PTPN12: variants seen among roughly 807,000 people sequenced by gnomAD.
PTPN12 encodes protein tyrosine phosphatase non-receptor type 12.
PTPN12 carries 29 observed loss-of-function variants against 97.6 expected under a neutral mutation model. The ratio of observed to expected loss-of-function variants is 0.30; its 90% CI spans 0.22 to 0.41. PTPN12 has a LOEUF of 0.41. Ranked by LOEUF, PTPN12 falls within the 10% of genes least tolerant of loss-of-function variation. The pLI is 1.00. For synonymous variants in PTPN12, 327 were observed against 300.4 expected (o/e 1.09, Z -0.91); for missense variants, 819 against 926.0 (o/e 0.88, Z 1.50).
chr7:77,638,381 A>G (rs529035696), intron 16 of PTPN12, among the ~76,000 whole-genome samples: 2 of 152,338 alleles, frequency 1.3e-5, no homozygotes, highest in African/African-American at 4.8e-5. Context: ...AAGTAAGAAT[A>G]ACGAGAATCC....
intron 16 of PTPN12, among the ~76,000 whole-genome samples, chr7:77,638,351 T>C (rs919697077): frequency 2.0e-5 from 3 of 152,184 alleles, no homozygotes; most frequent in African/African-American, 7.2e-5. Context: ...GAATGTAATA[T>C]GTCAAGACCT....
intron 1 of PTPN12, among the ~76,000 whole-genome samples, chr7:77,545,261 C>T (rs1807159724): frequency 2.6e-5 from 4 of 152,168 alleles, no homozygotes; most frequent in Middle Eastern, 6.8e-3. Flanking sequence ...CTCTACTTGC[C>T]TCTAGTTTCT....
At chr7:77,541,204 A>C (rs955555426) in intron 1 of PTPN12, among the ~76,000 whole-genome samples, 1 of 151,954 alleles carries the variant, frequency 6.6e-6, no homozygotes, top group Non-Finnish European at 1.5e-5. Flanking sequence ...TGATCCTCCC[A>C]CTTCAGCCTC....
At chr7:77,634,977 A>C (rs1366624616) in intron 14 of PTPN12, among the ~76,000 whole-genome samples, 1 of 152,106 alleles carries the variant, frequency 6.6e-6, no homozygotes, top group East Asian at 1.9e-4. Context: ...CAGCCTCCTG[A>C]GTAGCTGCGA....
chr7:77,637,121 C>A, intron 16 of PTPN12, 73 bp downstream of exon 16: 1 of 1,199,196 alleles, frequency 8.3e-7, no homozygotes, highest in South Asian at 1.3e-5. Context: ...TAACATGCTT[C>A]ATAGTTCATG....
chr7:77,582,114 A>G (rs1455025138), intron 3 of PTPN12, among the ~76,000 whole-genome samples: 1 of 35,630 alleles, frequency 2.8e-5, no homozygotes, highest in Non-Finnish European at 5.0e-5. Context: ...TTTTTTTTTG[A>G]GACGGAGTCT....
intron 1 of PTPN12, chr7:77,537,915 A>G (rs1364096929): frequency 1.7e-6 from 1 of 573,658 alleles, no homozygotes; most frequent in Non-Finnish European, 2.4e-6. Flanking sequence ...CGCAGCCTGC[A>G]CCGTGGCTCG....
intron 1 of PTPN12, chr7:77,537,935 A>G: frequency 4.9e-6 from 3 of 618,274 alleles, no homozygotes; most frequent in Non-Finnish European, 6.2e-6. Flanking sequence ...GCGACCACCT[A>G]TTGTTTACCG....
At position 77,542,497 on chromosome 7, in the gene PTPN12, G is replaced by A. The variant is rs9768852; in HGVS notation, c.99+4852G>A. Among the ~76,000 whole-genome samples the A allele has an allele frequency of 6.7e-3, 1,013 of 152,256 alleles. 16 individuals carry two copies. The highest frequency in any genetic ancestry group is 0.023 in the African/African-American group (946 of 41,548). Reference sequence around the variant, plus strand: ...GAAGGGTGGCATTTTGGAAGCTGTTGAAATATAAGAAGTGAGATGTGAGGG... The same window carrying A: ...GAAGGGTGGCATTTTGGAAGCTGTTAAAATATAAGAAGTGAGATGTGAGGG... On this transcript the variant is annotated intron_variant, in intron 1 of 17. Coordinates refer to ENST00000248594, the MANE Select transcript of PTPN12 (RefSeq NM_002835.4).
At chr7:77,577,058 A>T (rs1422057595) in intron 2 of PTPN12, among the ~76,000 whole-genome samples, 1 of 152,166 alleles carries the variant, frequency 6.6e-6, no homozygotes, top group Non-Finnish European at 1.5e-5. Context: ...TTTATTTGAA[A>T]TCATGCATTT....
In PTPN12 at chr7:77,598,515, C is replaced by T. The variant is rs1407371396; in HGVS notation, c.552+614C>T. ...TGGCCAACACGGCGAAGCCCCATCT[C>T]TACTAAAAAATACTAAAATTAGCTG... is the stretch of plus-strand genomic sequence containing the variant. On this transcript the variant is annotated intron_variant, in intron 7 of 17. Coordinates refer to ENST00000248594, the MANE Select transcript of PTPN12 (RefSeq NM_002835.4). 2.0e-5 allele frequency among the ~76,000 whole-genome samples: 3 copies of T among 152,010 alleles called. No individual in the cohort carries two copies. In the East Asian group the frequency reaches 5.8e-4, roughly 29 times the overall value.
At chr7:77,632,567 CTTTG>C (rs894675323) in intron 14 of PTPN12, 142 bp downstream of exon 14, 3 of 655,098 alleles carry the variant, frequency 4.6e-6, no homozygotes, top group Non-Finnish European at 5.3e-6. Flanking sequence ...GCTTTTAATT[CTTTG>C]TTTGAAAAAT....
At chr7:77,628,071 C>T (rs998619865) in intron 13 of PTPN12, among the ~76,000 whole-genome samples, 2 of 152,118 alleles carry the variant, frequency 1.3e-5, no homozygotes, top group East Asian at 1.9e-4. Flanking sequence ...TAATGTTACT[C>T]GTTTTTCCTA....
At position 77,537,300 on chromosome 7, in the gene PTPN12, C is replaced by CA. The variant is rs1806698056; in HGVS notation, c.-247_-246insA. On this transcript the variant is annotated 5_prime_UTR_variant, in exon 1 of 18. Transcript: ENST00000248594. ...AGCTGGGGGTTGGGGTTGGCGCTAG[C>CA]GCAGCGGCTCGCCTGGTACTGTGGG... 4 of 305,184 alleles carry CA rather than the reference C, an allele frequency of 1.3e-5. No homozygotes were observed. Among genetic ancestry groups the CA allele is most frequent in the Non-Finnish European group, 2.0e-5 (4 of 200,838 alleles). The allele number at this position is 305,184 out of a possible 1,614,324, so 18.9% of individuals were successfully genotyped here.
chr7:77,624,427 A>G (rs1057211633), intron 12 of PTPN12, among the ~76,000 whole-genome samples: 2 of 152,016 alleles, frequency 1.3e-5, no homozygotes, highest in Non-Finnish European at 1.5e-5. Context: ...TGAACTTCAC[A>G]GAGTCTTTAT....
intron 8 of PTPN12, among the ~76,000 whole-genome samples, chr7:77,602,271 T>C (rs1788215943): frequency 6.6e-6 from 1 of 152,194 alleles, no homozygotes. Flanking sequence ...TTTTGGCTTA[T>C]TTCTGTCATC....
chr7:77,555,412 T>G (rs1013878301), intron 1 of PTPN12, among the ~76,000 whole-genome samples: 1 of 152,146 alleles, frequency 6.6e-6, no homozygotes, highest in Non-Finnish European at 1.5e-5. Flanking sequence ...TTATGCATAT[T>G]TACATCTCTT....
chr7:77,543,357 T>C (rs1382192080), intron 1 of PTPN12, among the ~76,000 whole-genome samples: 1 of 151,806 alleles, frequency 6.6e-6, no homozygotes, highest in African/African-American at 2.4e-5. Flanking sequence ...TTTTTTTTTT[T>C]TTTAAAGAGA....
chr7:77,584,738 G>A (rs1033774991), intron 4 of PTPN12, among the ~76,000 whole-genome samples: 4 of 152,044 alleles, frequency 2.6e-5, no homozygotes, highest in Non-Finnish European at 4.4e-5. Context: ...TTAGCTGGAC[G>A]TGGTGGCGGG....
Sources: gnomAD v4.1 joint callset for allele counts (sites outside exome capture counted in the v4.1 genomes callset) on GRCh38, gnomAD v4.1.1 for gene constraint, MANE v1.5 for transcripts, NCBI Gene and HGNC (gene_info 2026-07-23, HGNC 2026-07-21) for gene names.